ARHGEF10L: variants seen among roughly 807,000 people sequenced by gnomAD.
ARHGEF10L encodes the protein Rho guanine nucleotide exchange factor 10 like.
Under a neutral mutation model 141.2 loss-of-function variants are expected in ARHGEF10L, and 69 were observed. The ratio of observed to expected loss-of-function variants is 0.49; its 90% CI spans 0.40 to 0.60. ARHGEF10L has a LOEUF of 0.60. Ranked by LOEUF, ARHGEF10L falls within the 20% of genes least tolerant of loss-of-function variation. The pLI, the probability that ARHGEF10L is intolerant of heterozygous loss-of-function variation, is 0.00. For synonymous variants in ARHGEF10L, 711 were observed against 718.5 expected, an observed-to-expected ratio of 0.99 and a Z score of 0.17; for missense variants, 1,482 against 1,734.3, an observed-to-expected ratio of 0.85 and a Z score of 2.58.
intron 4 of ARHGEF10L, 114 bp downstream of exon 4, chr1:17,588,593 A>T: frequency 7.4e-7 from 1 of 1,343,844 alleles, no homozygotes; most frequent in Non-Finnish European, 1.1e-6. Flanking sequence ...TTGGCTAAGG[A>T]GGAAAGCATT....
rs530542034 is a variant in ARHGEF10L at position 17,623,601 on chromosome 1, C to T, written c.1200+426C>T. On this transcript the variant is annotated intron_variant, in intron 12 of 28. Transcript: ENST00000361221. This position sits in a 1 kb window ranked among gnomAD's most constrained non-coding sequence, Gnocchi z 4.7. The stretch of plus-strand genomic sequence containing the variant: ...GGGGAAAGGGCACTGGCTCACGATC[C>T]GGGGGACCTGGTTCTGGTCCCAGCT... Among the ~76,000 whole-genome samples the T allele has an allele frequency of 8.0e-4, 122 of 152,254 alleles. No individual in the cohort carries two copies. Among genetic ancestry groups the T allele is most frequent in the African/African-American group, 2.5e-3 (104 of 41,564 alleles).
chr1:17,563,745 T>C (rs2077636266), intron 1 of ARHGEF10L, among the ~76,000 whole-genome samples: 1 of 152,140 alleles, frequency 6.6e-6, no homozygotes, highest in Admixed American at 6.5e-5. Context: ...TTTGCTAGGT[T>C]GTGGAGCTGG....
Position 17,603,486 on chromosome 1 carries a change from T to G in ARHGEF10L, c.350-22T>G. The G allele has an allele frequency of 6.2e-7, 1 of 1,608,514 alleles. No homozygotes were observed. The highest frequency in any genetic ancestry group is 8.5e-7 in the Non-Finnish European group (1 of 1,176,686). The stretch of plus-strand genomic sequence containing the variant: ...GCTGCCACAGCCCACGGTGGTGCTC[T>G]CTCTCCCCACTTCCCTCCCAGTTGA... On this transcript the variant is annotated intron_variant, in intron 5 of 28. Transcript: ENST00000361221. This position sits in a 1 kb window ranked among gnomAD's most constrained non-coding sequence, Gnocchi z 4.8.
At chr1:17,609,981 G>C (rs2059459031) in intron 7 of ARHGEF10L, among the ~76,000 whole-genome samples, 3 of 152,206 alleles carry the variant, frequency 2.0e-5, no homozygotes, top group Admixed American at 6.5e-5. Context: ...GGGCTCTCGA[G>C]TCCTGGCCCA....
intron 16 of ARHGEF10L, 61 bp from the exon 17 acceptor site, chr1:17,634,487 C>T: frequency 1.2e-6 from 2 of 1,614,068 alleles, no homozygotes; most frequent in Non-Finnish European, 1.7e-6. Context: ...GGGTCACAGC[C>T]CCCAGATTAG....
chr1:17,519,423 A>G, the ARHGEF10L span, among the ~76,000 whole-genome samples: 998 of 152,126 alleles, frequency 6.6e-3, 9 homozygotes, highest in African/African-American at 0.022. Context: ...CAGCCTGGGC[A>G]ATATGGTGAA....
Position 17,587,443 on chromosome 1 carries a change from C to T in ARHGEF10L, c.38-17C>T. 1 of 1,607,764 alleles carries T rather than the reference C, an allele frequency of 6.2e-7. No homozygotes were observed. The highest frequency in any genetic ancestry group is 8.5e-7 in the Non-Finnish European group (1 of 1,177,204). ...CTCGGAGATCCTGCAGCCTGGCCAA[C>T]TCCTTCTCTCTTCCAGGAGATCAGC... On this transcript the variant is annotated splice_polypyrimidine_tract_variant and intron_variant, in intron 2 of 28. Coordinates refer to ENST00000361221, the MANE Select transcript of ARHGEF10L (RefSeq NM_018125.4).
chr1:17,541,754 G>C (rs899077289), intron 1 of ARHGEF10L, among the ~76,000 whole-genome samples: 6 of 150,872 alleles, frequency 4.0e-5, no homozygotes, highest in Non-Finnish European at 5.9e-5. Flanking sequence ...GATTACCTGA[G>C]GTCAGGAGTT....
chr1:17,531,821 A>C, the ARHGEF10L span, among the ~76,000 whole-genome samples: 2 of 152,320 alleles, frequency 1.3e-5, no homozygotes, highest in South Asian at 4.1e-4. Context: ...TTCTGAGTGG[A>C]GATGGTTTTA....
intron 21 of ARHGEF10L, 86 bp from the exon 22 acceptor site, chr1:17,648,468 G>A (rs2061724111): frequency 3.9e-6 from 6 of 1,540,918 alleles, no homozygotes; most frequent in Non-Finnish European, 5.3e-6. Flanking sequence ...GCCTGCAGTG[G>A]CTCCCTGGGG....
intron 4 of ARHGEF10L, among the ~76,000 whole-genome samples, chr1:17,594,551 C>G (rs1360101929): frequency 3.3e-5 from 5 of 152,148 alleles, no homozygotes; most frequent in Non-Finnish European, 7.3e-5. Flanking sequence ...GATCTTGGCT[C>G]ACTCCAACCT....
At chr1:17,669,625 GCC>G (rs890652108) in intron 26 of ARHGEF10L, among the ~76,000 whole-genome samples, 9 of 152,100 alleles carry the variant, frequency 5.9e-5, no homozygotes, top group Non-Finnish European at 1.0e-4. Context: ...GGGTGCCTGG[GCC>G]CCCCAAAGCT....
At chr1:17,622,443 G>C (rs78345443) in intron 11 of ARHGEF10L, among the ~76,000 whole-genome samples, 1,877 of 152,242 alleles carry the variant, frequency 0.012, 39 homozygotes, top group African/African-American at 0.042. Context: ...CTGAGACAGT[G>C]TTTGAATCCC....
intron 26 of ARHGEF10L, among the ~76,000 whole-genome samples, chr1:17,678,323 G>A (rs1299420144): frequency 2.0e-5 from 3 of 151,970 alleles, no homozygotes; most frequent in African/African-American, 7.3e-5. Context: ...AAATTAAATA[G>A]GACTAATGAG....
At chr1:17,609,720 C>T (rs926540790) in intron 7 of ARHGEF10L, among the ~76,000 whole-genome samples, 3 of 152,094 alleles carry the variant, frequency 2.0e-5, no homozygotes, top group Admixed American at 6.6e-5. Flanking sequence ...CAATCAGAGA[C>T]GCCTCTGAGA....
chr1:17,627,620 G>A lies in ARHGEF10L; in HGVS notation c.1584+117G>A. The stretch of plus-strand genomic sequence containing the variant: ...GGCAGTGTTCTCTGAGGGAGGGGAG[G>A]CCTTGCTCTTCCAAGGATGTGACCT... On this transcript the variant is annotated intron_variant, in intron 15 of 28. Coordinates refer to ENST00000361221, the MANE Select transcript of ARHGEF10L (RefSeq NM_018125.4). This position sits in a 1 kb window ranked among gnomAD's most constrained non-coding sequence, Gnocchi z 4.0. 7.8e-7 allele frequency: 1 copy of A among 1,288,154 alleles called. No homozygotes were observed. Among genetic ancestry groups the A allele is most frequent in the Non-Finnish European group, 1.1e-6 (1 of 943,624 alleles). The allele number at this position is 1,288,154 out of a possible 1,614,324, so 79.8% of individuals were successfully genotyped here. A position where few individuals can be genotyped will look rare whatever the true frequency, so the allele number is the denominator to read the frequency against.
At chr1:17,547,096 C>T (rs1392809794) in intron 1 of ARHGEF10L, among the ~76,000 whole-genome samples, 1 of 152,190 alleles carries the variant, frequency 6.6e-6, no homozygotes, top group Non-Finnish European at 1.5e-5. Context: ...TTTGACAGCC[C>T]CTAGCAGCAG....
intron 1 of ARHGEF10L, among the ~76,000 whole-genome samples, chr1:17,544,848 G>A (rs2076860656): frequency 6.6e-6 from 1 of 152,146 alleles, no homozygotes; most frequent in South Asian, 2.1e-4. Context: ...CATGGTAGAA[G>A]GCGAAGGAGG....
In ARHGEF10L at chr1:17,632,438, A is replaced by T. The variant is rs773358401; in HGVS notation, c.1702A>T (p.Met568Leu). 6.2e-7 allele frequency: 1 copy of T among 1,614,064 alleles called. No individual in the cohort carries two copies. Among genetic ancestry groups the T allele is most frequent in the Admixed American group, 1.7e-5 (1 of 60,022 alleles). Reference protein sequence around the residue: ...KERRVFLLNDMLVCANINFKP... With the variant: ...KERRVFLLNDLLVCANINFKP... ...GCGTCGGGTCTTCCTGCTCAACGAC[A>T]TGCTTGTCTGTGCCAACATCAACTT... The change falls in exon 16 of 29, where the codon ATG (methionine) becomes TTG (leucine). Residue 568 changes from methionine to leucine, a missense_variant. Met to Leu is a conservative substitution (Grantham distance 15). This residue lies in a region of ARHGEF10L where 858 missense variants were observed against 966.3 expected (regional missense o/e 0.89). Transcript: ENST00000361221.
Sources: gnomAD v4.1 joint callset for allele counts (sites outside exome capture counted in the v4.1 genomes callset) on GRCh38, gnomAD v4.1.1 for gene constraint, gnomAD v4.1.1 regional missense constraint, Gnocchi (gnomAD v3.1) non-coding constraint, MANE v1.5 for transcripts, NCBI Gene and HGNC (gene_info 2026-07-23, HGNC 2026-07-21) for gene names.